CCDC171: variants seen among roughly 807,000 people sequenced by gnomAD.
CCDC171 encodes coiled-coil domain-containing protein 171.
In CCDC171, 177 loss-of-function variants were observed where a neutral mutation model predicts 168.2. The ratio of observed to expected loss-of-function variants is 1.05; its 90% confidence interval spans 0.93 to 1.19. CCDC171 has a LOEUF of 1.19. Ranked by LOEUF, CCDC171 falls within the 50% of genes most tolerant of loss-of-function variation. The probability of loss-of-function intolerance (pLI) is 0.00; values close to 1 mark genes in which losing one functional copy is unlikely to be tolerated. For missense variants in CCDC171, 1,991 were observed against 1,539.0 expected (o/e 1.29, Z -4.91); for synonymous variants, 687 against 540.8 (o/e 1.27, Z -3.75).
intron 4 of CCDC171, among the ~76,000 whole-genome samples, chr9:15,579,358 C>T (rs1222481931): frequency 6.6e-6 from 1 of 152,168 alleles, no homozygotes; most frequent in Non-Finnish European, 1.5e-5. Flanking sequence ...CCAGGCTCCC[C>T]ATCACATATA....
At chr9:15,594,618 G>C (rs1441673124) in intron 6 of CCDC171, among the ~76,000 whole-genome samples, 2 of 151,964 alleles carry the variant, frequency 1.3e-5, no homozygotes, top group Non-Finnish European at 2.9e-5. Context: ...AATCCCCGAG[G>C]CTTCTATAGT....
chr9:15,597,638 A>C (rs185007740), intron 6 of CCDC171, among the ~76,000 whole-genome samples: 98 of 152,294 alleles, frequency 6.4e-4, no homozygotes, highest in African/African-American at 2.3e-3. Context: ...AGGCTTTCCT[A>C]TCAGGATGAT....
chr9:16,037,394 C>T (rs1833491263), intron 8 of CCDC171, among the ~76,000 whole-genome samples: 1 of 152,180 alleles, frequency 6.6e-6, no homozygotes, highest in Non-Finnish European at 1.5e-5. Flanking sequence ...ACCCAGACCA[C>T]ACAAGATCCC....
At chr9:15,686,884 C>A (rs1401926092) in intron 10 of CCDC171, among the ~76,000 whole-genome samples, 2 of 152,122 alleles carry the variant, frequency 1.3e-5, no homozygotes, top group African/African-American at 4.8e-5. Flanking sequence ...ATAGAAGACT[C>A]AACAGTACTG....
chr9:15,627,005 G>A (rs933881160), intron 7 of CCDC171, among the ~76,000 whole-genome samples: 1 of 152,154 alleles, frequency 6.6e-6, no homozygotes, highest in Non-Finnish European at 1.5e-5. Context: ...CCTGTTATTG[G>A]TCTATTTTGG....
intron 3 of CCDC171, among the ~76,000 whole-genome samples, chr9:15,981,125 C>T (rs1476940889): frequency 6.6e-6 from 1 of 152,104 alleles, no homozygotes; most frequent in Non-Finnish European, 1.5e-5. Context: ...TCCCACAACA[C>T]ATGGGAATTC....
At position 15,854,678 on chromosome 9, in the gene CCDC171, G is replaced by A. The variant is rs2061279138; in HGVS notation, c.3468+5731G>A. Among the ~76,000 whole-genome samples, 3 of 151,572 alleles carry A rather than the reference G, an allele frequency of 2.0e-5. 1 individual carries two copies. The highest frequency in any genetic ancestry group is 7.3e-5 in the African/African-American group (3 of 41,338). The stretch of plus-strand genomic sequence containing the variant: ...TCTCTTAACTGCTCCAAGCTGGAAG[G>A]TTAGGTTATTGATTTGAGATCTTTC... On this transcript the variant is annotated intron_variant, in intron 23 of 25. Transcript: ENST00000380701.
intron 21 of CCDC171, among the ~76,000 whole-genome samples, chr9:15,833,923 G>A (rs2060336884): frequency 6.6e-6 from 1 of 152,114 alleles, no homozygotes. Context: ...ACCCAGAGAT[G>A]TTTATTGAGA....
At chr9:15,893,307 G>A (rs938236601) in intron 24 of CCDC171, among the ~76,000 whole-genome samples, 13 of 152,038 alleles carry the variant, frequency 8.6e-5, no homozygotes, top group African/African-American at 2.4e-4. Context: ...AGACTTAAAT[G>A]TAAAACCCAA....
intron 23 of CCDC171, among the ~76,000 whole-genome samples, chr9:15,855,185 A>T (rs1418740729): frequency 2.0e-5 from 3 of 151,572 alleles, no homozygotes. Flanking sequence ...AAAGTCTCCA[A>T]ATGTTATTGT....
chr9:15,557,508 G>A (rs537662830), intron 1 of CCDC171, among the ~76,000 whole-genome samples: 1 of 152,188 alleles, frequency 6.6e-6, no homozygotes, highest in African/African-American at 2.4e-5. Flanking sequence ...TAGCAATTGG[G>A]AATGGGAATT....
intron 24 of CCDC171, among the ~76,000 whole-genome samples, chr9:15,892,450 T>A (rs1243361132): frequency 6.6e-6 from 1 of 152,178 alleles, no homozygotes; most frequent in Non-Finnish European, 1.5e-5. Flanking sequence ...TCTGCATCTA[T>A]TGAGATAATC....
At chr9:15,717,016 A>C (rs886814208) in intron 11 of CCDC171, among the ~76,000 whole-genome samples, 4 of 152,206 alleles carry the variant, frequency 2.6e-5, no homozygotes, top group African/African-American at 4.8e-5. Flanking sequence ...AACCACCTTC[A>C]TAAGAACCAA....
chr9:15,658,667 T>G (rs934842789), intron 8 of CCDC171, among the ~76,000 whole-genome samples: 7 of 152,088 alleles, frequency 4.6e-5, no homozygotes, highest in African/African-American at 1.7e-4. Context: ...GGCAGAGATG[T>G]GATGACAGAA....
At chr9:15,592,169 A>AC (rs1196538474) in intron 5 of CCDC171, among the ~76,000 whole-genome samples, 7 of 151,918 alleles carry the variant, frequency 4.6e-5, no homozygotes, top group African/African-American at 1.7e-4. Context: ...AAAAAAAAAA[A>AC]ATTACATGAC....
Position 15,777,624 on chromosome 9 carries a change from ATTTACT to A in CCDC171, c.2697_2702del (p.Leu900_Leu901del). 1 of 1,608,624 alleles carries A rather than the reference ATTTACT, an allele frequency of 6.2e-7. No individual in the cohort carries two copies. The highest frequency in any genetic ancestry group is 1.1e-5 in the South Asian group (1 of 89,198). On this transcript the variant is annotated inframe_deletion, in exon 19 of 26. Transcript: ENST00000380701. ...GATCCAAATTCCAGAATTTGTGGACATTTACTCATAGGTGCAGCCAAGAATTCTTTT... is the reference window on the plus strand; with the variant it reads ...GATCCAAATTCCAGAATTTGTGGACACATAGGTGCAGCCAAGAATTCTTTT...
chr9:16,074,893 G>A, the CCDC171 span, among the ~76,000 whole-genome samples: 1 of 152,120 alleles, frequency 6.6e-6, no homozygotes, highest in African/African-American at 2.4e-5. Flanking sequence ...TTATTCTGAG[G>A]GTGGCAGGAA....
chr9:16,010,220 A>T (rs1832830243), intron 3 of CCDC171, among the ~76,000 whole-genome samples: 1 of 152,170 alleles, frequency 6.6e-6, no homozygotes, highest in Non-Finnish European at 1.5e-5. Context: ...GCTCCTCCAC[A>T]GAATAGACTC....
At chr9:15,991,916 C>G (rs909593241) in intron 3 of CCDC171, among the ~76,000 whole-genome samples, 1 of 152,128 alleles carries the variant, frequency 6.6e-6, no homozygotes, top group Admixed American at 6.5e-5. Flanking sequence ...ATAACAGGCT[C>G]TGAAATTGAG....
Sources: allele counts gnomAD v4.1 joint callset (sites outside exome capture counted in the v4.1 genomes callset), GRCh38; gene constraint gnomAD v4.1.1; transcripts MANE v1.5; gene names NCBI Gene and HGNC (gene_info 2026-07-23, HGNC 2026-07-21).